ZNF726: variants seen among roughly 807,000 people sequenced by gnomAD.
The protein encoded by ZNF726 is zinc finger protein 92 pseudogene 3.
In ZNF726, 15 loss-of-function variants were observed where a neutral mutation model predicts 11.6. The observed-to-expected ratio is 1.29, with a 90% CI of 0.86 to 1.99. The LOEUF is 1.99. ZNF726 is among the 30% of genes most tolerant of loss of function. The pLI is 0.00. For synonymous variants in ZNF726, 295 were observed against 243.6 expected (o/e 1.21, Z -1.96); for missense variants, 890 against 725.6 (o/e 1.23, Z -2.60).
intron 3 of ZNF726, among the ~76,000 whole-genome samples, chr19:23,925,267 CTTTA>C (rs891983788): frequency 1.5e-4 from 23 of 152,050 alleles, no homozygotes; most frequent in South Asian, 4.1e-4. Flanking sequence ...AATGGAATCA[CTTTA>C]TTTAATAATT....
rs754870628 is a variant in ZNF726, at chr19:23,932,554, A to G, written c.438A>G (p.Gln146=). 1 of 1,587,588 alleles carries G rather than the reference A, an allele frequency of 6.3e-7. No individual in the cohort carries two copies. The highest frequency in any genetic ancestry group is 1.2e-5 in the South Asian group (1 of 84,992). Residue 146 remains glutamine, a synonymous_variant, in exon 4 of 4, where the codon CAA becomes CAG. Coordinates refer to ENST00000594466, the MANE Select transcript of ZNF726 (RefSeq NM_001244038.2). The part of the protein sequence containing the change: ...CFTTTQGKAS[Q]CGKYLKVFYK... ...CAACTACCCAGGGCAAAGCTTCTCA[A>G]TGTGGTAAATATTTGAAAGTCTTTT...
chr19:23,933,890 C>G lies in ZNF726; in HGVS notation c.1774C>G (p.Pro592Ala), dbSNP rs746984654. 6.3e-7 allele frequency: 1 copy of G among 1,590,356 alleles called. No homozygotes were observed. The highest frequency in any genetic ancestry group is 1.1e-5 in the South Asian group (1 of 88,814). Residue 592 changes from proline to alanine, a missense_variant, in exon 4 of 4, where the codon CCT becomes GCT. Pro to Ala is a conservative substitution (Grantham distance 27). Transcript: ENST00000594466. ...TAAGATAATTCATACTGGAGAGAAACCTTACAAGTGTGACGAATGTGGCAA... is the reference window on the plus strand; with the variant it reads ...TAAGATAATTCATACTGGAGAGAAAGCTTACAAGTGTGACGAATGTGGCAA... ...THKIIHTGEK[P>A]YKCDECGKSF...
At chr19:23,921,837 C>T (rs1967860563) in intron 3 of ZNF726, among the ~76,000 whole-genome samples, 1 of 152,154 alleles carries the variant, frequency 6.6e-6, no homozygotes, top group Non-Finnish European at 1.5e-5. Context: ...TATTGGTCTT[C>T]AATTTCAATG....
chr19:23,925,995 G>T (rs115837291), intron 3 of ZNF726, among the ~76,000 whole-genome samples: 281 of 150,648 alleles, frequency 1.9e-3, no homozygotes, highest in African/African-American at 6.4e-3. Flanking sequence ...AATTACAGGT[G>T]TGAGCCACCA....
At chr19:23,927,169 G>A (rs925090609) in intron 3 of ZNF726, among the ~76,000 whole-genome samples, 1 of 151,824 alleles carries the variant, frequency 6.6e-6, no homozygotes, top group Non-Finnish European at 1.5e-5. Flanking sequence ...GTTTCACTGT[G>A]TTGCCCAGGC....
rs756387356 is a variant in ZNF726 at position 23,932,575 on chromosome 19, C to G, written c.459C>G (p.Val153=). The G allele has an allele frequency of 8.3e-6, 13 of 1,566,216 alleles. No individual in the cohort carries two copies. In the South Asian group the frequency reaches 1.3e-4, roughly 16 times the overall value. ...CTCAATGTGGTAAATATTTGAAAGT[C>G]TTTTATAAATTTATAAATTTAAACA... ...KASQCGKYLK[V]FYKFINLNRY... Residue 153 remains valine, a synonymous_variant, in exon 4 of 4, where the codon GTC becomes GTG. Coordinates refer to ENST00000594466, the MANE Select transcript of ZNF726 (RefSeq NM_001244038.2).
Position 23,915,017 on chromosome 19 carries a change from C to G in ZNF726, c.3+20C>G, listed in dbSNP as rs1420174853. The G allele has an allele frequency of 6.2e-7, 1 of 1,613,826 alleles. No individual in the cohort carries two copies. Among genetic ancestry groups the G allele is most frequent in the South Asian group, 1.1e-5 (1 of 91,080 alleles). On this transcript the variant is annotated intron_variant, in intron 1 of 3. Transcript: ENST00000594466. Reference sequence around the variant, plus strand: ...GAAATGGTGAGAGTGCCGGGTGCGACATCCCAAGAGAGGGAACGGGGCTGG... The same window carrying G: ...GAAATGGTGAGAGTGCCGGGTGCGAGATCCCAAGAGAGGGAACGGGGCTGG...
At chr19:23,924,891 TAA>T (rs36063435) in intron 3 of ZNF726, among the ~76,000 whole-genome samples, 24 of 147,192 alleles carry the variant, frequency 1.6e-4, no homozygotes, top group East Asian at 7.9e-4. Flanking sequence ...GACCTTGTCT[TAA>T]AAAAAAAAAA....
intron 2 of ZNF726, 55 bp from the exon 3 acceptor site, chr19:23,919,932 G>T (rs1249167911): frequency 7.9e-7 from 1 of 1,260,078 alleles, no homozygotes; most frequent in Non-Finnish European, 1.1e-6. Context: ...ACATTACTAA[G>T]TTGGTAATTG....
intron 4 of ZNF726, chr19:23,944,295 T>C (rs1027879553): frequency 1.3e-5 from 2 of 152,194 alleles, no homozygotes; most frequent in Non-Finnish European, 2.9e-5. Flanking sequence ...TGGTTTGCTA[T>C]TGTGAGCATG....
chr19:23,944,384 T>C (rs566529256), intron 4 of ZNF726: 2 of 152,202 alleles, frequency 1.3e-5, no homozygotes, highest in Non-Finnish European at 2.9e-5. Context: ...GATGAGACTT[T>C]TAAATCAAAT....
At chr19:23,915,112 G>C (rs1271445739) in intron 1 of ZNF726, 115 bp downstream of exon 1, 2 of 1,512,268 alleles carry the variant, frequency 1.3e-6, no homozygotes, top group Non-Finnish European at 1.8e-6. Context: ...ATCTGCGCCC[G>C]AGTTGTTGCC....
intron 3 of ZNF726, among the ~76,000 whole-genome samples, chr19:23,921,887 C>G (rs529716068): frequency 6.6e-6 from 1 of 152,310 alleles, no homozygotes; most frequent in African/African-American, 2.4e-5. Flanking sequence ...AATTCACATA[C>G]TTTCAGTGCT....
At chr19:23,916,457 A>T (rs772660559) in intron 1 of ZNF726, among the ~76,000 whole-genome samples, 7 of 151,998 alleles carry the variant, frequency 4.6e-5, no homozygotes, top group Admixed American at 1.3e-4. Flanking sequence ...CTGTCTCCCA[A>T]GTAGCTGGAA....
At chr19:23,943,366 C>G in intron 3 of ZNF726, 1 of 419,412 alleles carries the variant, frequency 2.4e-6, no homozygotes, top group Admixed American at 3.8e-5. Context: ...TCTAAAGGTT[C>G]TATCAGAAAA....
At chr19:23,919,639 T>C in intron 2 of ZNF726, 140 bp downstream of exon 2, 1 of 1,151,600 alleles carries the variant, frequency 8.7e-7, no homozygotes, top group Non-Finnish European at 1.2e-6. Context: ...AGAAAAAATT[T>C]CTTCAAGATG....
chr19:23,924,198 C>G (rs1967927076), intron 3 of ZNF726, among the ~76,000 whole-genome samples: 1 of 151,320 alleles, frequency 6.6e-6, no homozygotes, highest in Non-Finnish European at 1.5e-5. Flanking sequence ...CACATGCCAC[C>G]ACACCTGGCT....
intron 3 of ZNF726, among the ~76,000 whole-genome samples, chr19:23,921,847 G>A (rs985364813): frequency 6.6e-6 from 1 of 152,100 alleles, no homozygotes; most frequent in African/African-American, 2.4e-5. Context: ...CAATTTCAAT[G>A]ACTTTAAATT....
chr19:23,924,144 A>G (rs1203457141), intron 3 of ZNF726, among the ~76,000 whole-genome samples: 1 of 151,940 alleles, frequency 6.6e-6, no homozygotes, highest in Non-Finnish European at 1.5e-5. Context: ...CCCGGGTTCA[A>G]GTAATTCTCC....
Sources: allele counts gnomAD v4.1 joint callset (sites outside exome capture counted in the v4.1 genomes callset), GRCh38; gene constraint gnomAD v4.1.1; transcripts MANE v1.5; gene names NCBI Gene and HGNC (gene_info 2026-07-23, HGNC 2026-07-21).